Variants in CNN3 observed in about 807,000 individuals in gnomAD.
CNN3 encodes calponin 3, also known as calponin-3.
A neutral mutation model predicts 39.0 loss-of-function variants in CNN3; 11 were observed. The observed-to-expected ratio is 0.28, with a 90% CI of 0.18 to 0.47. The LOEUF is 0.47. CNN3 is among the 20% of genes least tolerant of loss of function. CNN3 has a pLI of 0.99. For missense variants in CNN3, 266 were observed against 403.4 expected (o/e 0.66, Z 2.92); for synonymous variants, 101 against 138.3 (o/e 0.73, Z 1.89).
intron 1 of CNN3, among the ~76,000 whole-genome samples, chr1:94,914,403 G>A (rs952150162): frequency 2.6e-5 from 4 of 152,184 alleles, no homozygotes; most frequent in Admixed American, 2.6e-4. Flanking sequence ...TGTCCCAAAA[G>A]TTCGCTGTAT....
At chr1:94,920,752 T>C (rs1285387062) in intron 1 of CNN3, among the ~76,000 whole-genome samples, 1 of 152,142 alleles carries the variant, frequency 6.6e-6, no homozygotes, top group East Asian at 1.9e-4. Context: ...GTATGACAGG[T>C]ATGGAGAAGT....
At chr1:94,925,597 T>C in intron 1 of CNN3, 2 of 985,266 alleles carry the variant, frequency 2.0e-6, no homozygotes. Context: ...GAGCCACAAC[T>C]CTCCCTTGGG....
At chr1:94,915,854 C>T (rs925860564) in intron 1 of CNN3, among the ~76,000 whole-genome samples, 3 of 152,178 alleles carry the variant, frequency 2.0e-5, no homozygotes, top group Non-Finnish European at 4.4e-5. Flanking sequence ...AGCAAAGTGA[C>T]ACCCCTATTT....
chr1:94,923,353 A>T lies in CNN3; in HGVS notation c.57+3485T>A, dbSNP rs2101743696. Among the ~76,000 whole-genome samples the T allele has an allele frequency of 1.3e-5, 2 of 152,248 alleles. 1 individual carries two copies. The highest frequency in any genetic ancestry group is 6.8e-3 in the Middle Eastern group (2 of 294). ...GAGTGTTTCCATCCTCCACCGAACC[A>T]TCCCTACCAGTGTCTGCATTTTCCC... On this transcript the variant is annotated intron_variant, in intron 1 of 6. Transcript: ENST00000370206.
intron 1 of CNN3, chr1:94,925,555 A>T (rs1671552712): frequency 6.3e-6 from 6 of 951,586 alleles, no homozygotes; most frequent in Non-Finnish European, 6.3e-6. Flanking sequence ...CTTCAAAGAC[A>T]GTATGATGTG....
chr1:94,914,170 C>T (rs1336190999), intron 1 of CNN3, among the ~76,000 whole-genome samples: 1 of 152,170 alleles, frequency 6.6e-6, no homozygotes, highest in Non-Finnish European at 1.5e-5. Context: ...TTCAGCAGGA[C>T]CTCTAGGTGC....
chr1:94,906,736 G>A (rs753624297), intron 1 of CNN3, among the ~76,000 whole-genome samples: 1 of 152,172 alleles, frequency 6.6e-6, no homozygotes, highest in Non-Finnish European at 1.5e-5. Context: ...GTATTTTCTC[G>A]TTTCTTCAAA....
At chr1:94,907,343 C>T (rs1671029964) in intron 1 of CNN3, among the ~76,000 whole-genome samples, 1 of 152,160 alleles carries the variant, frequency 6.6e-6, no homozygotes, top group African/African-American at 2.4e-5. Flanking sequence ...GCCAGCTAAA[C>T]AGCATTATCT....
chr1:94,908,046 GCA>G (rs907971979), intron 1 of CNN3, among the ~76,000 whole-genome samples: 3 of 151,920 alleles, frequency 2.0e-5, no homozygotes, highest in Admixed American at 6.6e-5. Context: ...TCTTAAACAC[GCA>G]CACATTCTCC....
At position 94,897,612 on chromosome 1, in the gene CNN3, G is replaced by A; in HGVS notation, c.*130C>T. The A allele has an allele frequency of 3.7e-6, 3 of 814,744 alleles. No individual in the cohort carries two copies. The highest frequency in any genetic ancestry group is 3.8e-6 in the Non-Finnish European group (2 of 524,582). The allele number at this position is 814,744 out of a possible 1,614,324, so 50.5% of individuals were successfully genotyped here. A position where few individuals can be genotyped will look rare whatever the true frequency, so the allele number is the denominator to read the frequency against. ...AAAAAGGAAAAAGGAATGTACGTAA[G>A]GCAATTTTTCTTAAAAGTACAATAA... On this transcript the variant is annotated 3_prime_UTR_variant, in exon 7 of 7. Coordinates refer to ENST00000370206, the MANE Select transcript of CNN3 (RefSeq NM_001839.5).
chr1:94,921,252 A>G (rs1268226207), intron 1 of CNN3, among the ~76,000 whole-genome samples: 1 of 152,132 alleles, frequency 6.6e-6, no homozygotes, highest in East Asian at 1.9e-4. Flanking sequence ...AAAATTAGTC[A>G]GATGTGGTGG....
intron 1 of CNN3, among the ~76,000 whole-genome samples, chr1:94,921,641 TG>T (rs3838310): frequency 0.9 from 136,887 of 152,052 alleles, 62,181 homozygotes; most frequent in Non-Finnish European, 0.96. Context: ...CTGTTGATGG[TG>T]GGTATTAGCG....
At chr1:94,899,595 A>AC in intron 5 of CNN3, 78 bp from the exon 6 acceptor site, 1 of 1,466,814 alleles carries the variant, frequency 6.8e-7, no homozygotes, top group Non-Finnish European at 9.2e-7. Flanking sequence ...TTTCCATGCT[A>AC]CCAAAAAGAC....
At chr1:94,914,107 G>A (rs932270542) in intron 1 of CNN3, among the ~76,000 whole-genome samples, 2 of 152,088 alleles carry the variant, frequency 1.3e-5, no homozygotes, top group African/African-American at 4.8e-5. Flanking sequence ...ACTCATTCCC[G>A]CATTTGTAGG....
At chr1:94,921,771 C>A (rs546777862) in intron 1 of CNN3, among the ~76,000 whole-genome samples, 2 of 152,184 alleles carry the variant, frequency 1.3e-5, no homozygotes, top group African/African-American at 4.8e-5. Context: ...CGTTAAAACT[C>A]CAGAGTAAAT....
At chr1:94,907,730 G>C (rs900387629) in intron 1 of CNN3, among the ~76,000 whole-genome samples, 1 of 152,168 alleles carries the variant, frequency 6.6e-6, no homozygotes. Flanking sequence ...TGTGGTGGCG[G>C]GCGCCTGTAG....
At chr1:94,911,242 C>G (rs910837328) in intron 1 of CNN3, among the ~76,000 whole-genome samples, 4 of 152,132 alleles carry the variant, frequency 2.6e-5, no homozygotes, top group African/African-American at 9.7e-5. Context: ...AGATTTGATG[C>G]GGAGGAACTA....
intron 4 of CNN3, 69 bp from the exon 5 acceptor site, chr1:94,901,854 A>G (rs1270650052): frequency 3.5e-6 from 4 of 1,129,796 alleles, no homozygotes; most frequent in African/African-American, 3.1e-5. Context: ...CAAAGAAATG[A>G]TATGTCCATA....
chr1:94,909,158 T>A (rs1414009369), intron 1 of CNN3, among the ~76,000 whole-genome samples: 1 of 151,902 alleles, frequency 6.6e-6, no homozygotes, highest in Non-Finnish European at 1.5e-5. Flanking sequence ...AAAACAAAAA[T>A]AAACAAATAA....
Sources: allele counts gnomAD v4.1 joint callset (sites outside exome capture counted in the v4.1 genomes callset), GRCh38; gene constraint gnomAD v4.1.1; transcripts MANE v1.5; gene names NCBI Gene and HGNC (gene_info 2026-07-23, HGNC 2026-07-21).